Variants in CLEC16A observed in about 807,000 individuals in gnomAD.
CLEC16A encodes C-type lectin domain containing 16A.
A neutral mutation model predicts 109.5 loss-of-function variants in CLEC16A; 51 were observed. The ratio of observed to expected loss-of-function variants is 0.47; its 90% CI spans 0.37 to 0.59. CLEC16A has a LOEUF of 0.59. Among genes scored for constraint, CLEC16A ranks in the 20% least tolerant of loss-of-function variants. The pLI, the probability that CLEC16A is intolerant of heterozygous loss-of-function variation, is 0.00. For missense variants in CLEC16A, 1,339 were observed against 1,394.0 expected (o/e 0.96, Z 0.63); for synonymous variants, 673 against 564.2 (o/e 1.19, Z -2.73).
At chr16:11,155,800 G>C (rs2153083812) in intron 22 of CLEC16A, among the ~76,000 whole-genome samples, 1 of 152,316 alleles carries the variant, frequency 6.6e-6, no homozygotes, top group East Asian at 1.9e-4. Context: ...ACCCTGCAAA[G>C]TCGGAGTCCT....
intron 13 of CLEC16A, among the ~76,000 whole-genome samples, chr16:11,030,309 A>T (rs1489557629): frequency 6.6e-6 from 1 of 152,140 alleles, no homozygotes; most frequent in East Asian, 1.9e-4. Flanking sequence ...ATTATGGGAG[A>T]TATGTGTATG....
chr16:11,117,703 A>G (rs114715634), intron 19 of CLEC16A, among the ~76,000 whole-genome samples: 1 of 152,142 alleles, frequency 6.6e-6, no homozygotes, highest in East Asian at 1.9e-4. Context: ...TTCACTCCTC[A>G]TGGGTAACCA....
At chr16:11,014,790 C>T (rs923702960) in intron 11 of CLEC16A, among the ~76,000 whole-genome samples, 176 of 152,270 alleles carry the variant, frequency 1.2e-3, no homozygotes, top group African/African-American at 4.0e-3. Flanking sequence ...GGCGCCCGCA[C>T]CTTGGGAGGG....
At chr16:11,092,634 G>A (rs1276429572) in intron 19 of CLEC16A, among the ~76,000 whole-genome samples, 2 of 152,178 alleles carry the variant, frequency 1.3e-5, no homozygotes. Flanking sequence ...ATACAGATTT[G>A]AACATAACTG....
intron 11 of CLEC16A, among the ~76,000 whole-genome samples, chr16:11,017,889 A>T (rs2045853724): frequency 6.6e-6 from 1 of 152,076 alleles, no homozygotes; most frequent in South Asian, 2.1e-4. Context: ...AAGAATGAGG[A>T]CTCAATGTAA....
At chr16:11,057,515 C>T (rs2048271095) in intron 18 of CLEC16A, among the ~76,000 whole-genome samples, 4 of 152,306 alleles carry the variant, frequency 2.6e-5, no homozygotes, top group East Asian at 3.9e-4. Flanking sequence ...ACTGATTCCC[C>T]GGTGACATTG....
At chr16:10,973,768 G>T (rs1057129333) in intron 7 of CLEC16A, among the ~76,000 whole-genome samples, 1 of 150,982 alleles carries the variant, frequency 6.6e-6, no homozygotes, top group Non-Finnish European at 1.5e-5. Flanking sequence ...ATGGGGTTTC[G>T]TCATGTTGCC....
intron 22 of CLEC16A, among the ~76,000 whole-genome samples, chr16:11,126,943 G>A (rs1204269199): frequency 6.6e-6 from 1 of 152,190 alleles, no homozygotes; most frequent in Non-Finnish European, 1.5e-5. Flanking sequence ...AGAACAAAAC[G>A]CAGCCATAGG....
chr16:11,066,198 T>A (rs747681949), intron 19 of CLEC16A, among the ~76,000 whole-genome samples: 2 of 152,080 alleles, frequency 1.3e-5, no homozygotes, highest in African/African-American at 2.4e-5. Flanking sequence ...ATGAGCATTA[T>A]CTGTGCTGTG....
intron 19 of CLEC16A, among the ~76,000 whole-genome samples, chr16:11,077,603 G>T (rs1274695669): frequency 6.6e-6 from 1 of 152,000 alleles, no homozygotes; most frequent in Non-Finnish European, 1.5e-5. Context: ...AGGCTGTAGT[G>T]AGCTGTGATC....
chr16:10,992,989 G>A (rs1283210874), intron 10 of CLEC16A, among the ~76,000 whole-genome samples: 1 of 152,104 alleles, frequency 6.6e-6, no homozygotes, highest in Non-Finnish European at 1.5e-5. Context: ...GAAATGGTGA[G>A]TCAGAGGCCT....
At chr16:10,947,460 A>G (rs115418449) in intron 1 of CLEC16A, among the ~76,000 whole-genome samples, 2,226 of 152,278 alleles carry the variant, frequency 0.015, 49 homozygotes, top group African/African-American at 0.05. Flanking sequence ...AGCTTTCTGG[A>G]GGAGACAACA....
At chr16:11,091,717 A>G (rs2050315266) in intron 19 of CLEC16A, among the ~76,000 whole-genome samples, 1 of 152,174 alleles carries the variant, frequency 6.6e-6, no homozygotes, top group Non-Finnish European at 1.5e-5. Context: ...TTGTCAGGAA[A>G]GCTTTGAGCA....
chr16:11,019,605 C>T (rs2045973266), intron 11 of CLEC16A, among the ~76,000 whole-genome samples: 1 of 151,982 alleles, frequency 6.6e-6, no homozygotes, highest in South Asian at 2.1e-4. Context: ...TCTGTCTCTA[C>T]GAAAAATACA....
At chr16:11,098,767 A>C (rs994527453) in intron 19 of CLEC16A, among the ~76,000 whole-genome samples, 9 of 152,160 alleles carry the variant, frequency 5.9e-5, no homozygotes, top group African/African-American at 2.2e-4. Flanking sequence ...TTCTCGCCCA[A>C]GTGCTGTGTG....
At chr16:10,973,152 G>T (rs924170458) in intron 7 of CLEC16A, 91 bp downstream of exon 7, 1 of 1,410,858 alleles carries the variant, frequency 7.1e-7, no homozygotes. Flanking sequence ...CACAAGAACC[G>T]CACTTCCCTA....
At chr16:11,152,014 T>A (rs886906634) in intron 22 of CLEC16A, among the ~76,000 whole-genome samples, 3 of 152,140 alleles carry the variant, frequency 2.0e-5, no homozygotes, top group African/African-American at 7.2e-5. Context: ...GTGTGTGTGA[T>A]GAGCAAAAGG....
At chr16:11,163,111 C>G (rs1444578788) in intron 22 of CLEC16A, among the ~76,000 whole-genome samples, 1 of 152,238 alleles carries the variant, frequency 6.6e-6, no homozygotes, top group African/African-American at 2.4e-5. Context: ...AAGCCTCTGG[C>G]ACCTCTGCCA....
At chr16:11,058,617 CTATTTTA>C (rs1361963409) in intron 18 of CLEC16A, among the ~76,000 whole-genome samples, 1 of 151,426 alleles carries the variant, frequency 6.6e-6, no homozygotes, top group African/African-American at 2.4e-5. Flanking sequence ...GTATTATATT[CTATTTTA>C]TATTTATGAT....
Sources: gnomAD v4.1 joint callset for allele counts (sites outside exome capture counted in the v4.1 genomes callset) on GRCh38, gnomAD v4.1.1 for gene constraint, MANE v1.5 for transcripts, NCBI Gene and HGNC (gene_info 2026-07-23, HGNC 2026-07-21) for gene names.